PDHX: variants seen among roughly 807,000 people sequenced by gnomAD.
PDHX encodes the protein pyruvate dehydrogenase complex component X, also known as pyruvate dehydrogenase protein X component, mitochondrial.
PDHX carries 33 observed loss-of-function variants against 55.3 expected under a neutral mutation model. The ratio of observed to expected loss-of-function variants is 0.60; its 90% CI spans 0.45 to 0.80. The LOEUF is 0.80. Among genes scored for constraint, PDHX ranks in the 30% least tolerant of loss-of-function variants. The probability of loss-of-function intolerance (pLI) is 0.00; values close to 1 mark genes in which losing one functional copy is unlikely to be tolerated. For synonymous variants in PDHX, 226 were observed against 219.4 expected, an observed-to-expected ratio of 1.03 and a Z score of -0.27; for missense variants, 622 against 619.9, an observed-to-expected ratio of 1.00 and a Z score of -0.04.
At chr11:34,941,858 C>G (rs997178314) in intron 2 of PDHX, 1 of 154,574 alleles carries the variant, frequency 6.5e-6, no homozygotes, top group Non-Finnish European at 1.5e-5. Context: ...TGCTGGGGAG[C>G]GGCCCCCGGG....
intron 4 of PDHX, among the ~76,000 whole-genome samples, chr11:34,958,154 C>T (rs1328931811): frequency 6.6e-6 from 1 of 152,166 alleles, no homozygotes; most frequent in South Asian, 2.1e-4. Flanking sequence ...TCTAACATTT[C>T]ATTTATTTAG....
chr11:34,938,505 G>A (rs1168290980), intron 2 of PDHX, among the ~76,000 whole-genome samples: 1 of 152,106 alleles, frequency 6.6e-6, no homozygotes, highest in Non-Finnish European at 1.5e-5. Context: ...TGTGTTTTTA[G>A]GTTTCTTTTC....
At chr11:34,975,940 T>C (rs964138860) in intron 7 of PDHX, among the ~76,000 whole-genome samples, 1 of 152,140 alleles carries the variant, frequency 6.6e-6, no homozygotes, top group Non-Finnish European at 1.5e-5. Context: ...CTTTTAAAAG[T>C]TCAAGGAACT....
intron 7 of PDHX, among the ~76,000 whole-genome samples, chr11:34,975,220 T>C (rs990402661): frequency 4.6e-5 from 7 of 152,124 alleles, no homozygotes; most frequent in African/African-American, 1.7e-4. Context: ...ATTGTATGCC[T>C]AGATTTTTTT....
Position 34,960,408 on chromosome 11 carries a change from T to G in PDHX, c.543-12T>G, listed in dbSNP as rs1854998805. On this transcript the variant is annotated splice_polypyrimidine_tract_variant and intron_variant, in intron 4 of 10. Coordinates refer to ENST00000227868, the MANE Select transcript of PDHX (RefSeq NM_003477.3). The stretch of plus-strand genomic sequence containing the variant: ...TTAATTGGTTCTATTAACCTTCATA[T>G]TTTTTTCTTAGGTTCCGTTTAAGTC... 5.7e-6 allele frequency: 9 copies of G among 1,585,102 alleles called. No homozygotes were observed. Among genetic ancestry groups the G allele is most frequent in the Non-Finnish European group, 7.8e-6 (9 of 1,154,008 alleles).
At chr11:34,916,399 C>G, upstream of PDHX, 1 of 1,527,416 alleles carries the variant, frequency 6.5e-7, no homozygotes, top group African/African-American at 1.4e-5. Flanking sequence ...TGAGGGCAGC[C>G]CGGGGGCGGG....
intron 9 of PDHX, among the ~76,000 whole-genome samples, chr11:34,986,166 A>C (rs1169433917): frequency 6.6e-6 from 1 of 152,140 alleles, no homozygotes; most frequent in Non-Finnish European, 1.5e-5. Context: ...TTAGCTGGGC[A>C]TGGTGGCACA....
At position 34,960,501 on chromosome 11, in the gene PDHX, G is replaced by T. The variant is rs1416234490; in HGVS notation, c.624G>T (p.Arg208=). 2 of 1,602,130 alleles carry T rather than the reference G, an allele frequency of 1.2e-6. No individual in the cohort carries two copies. The highest frequency in any genetic ancestry group is 2.2e-5 in the East Asian group (1 of 44,740). Residue 208 remains arginine (R), a synonymous_variant, in exon 5 of 11, where the codon CGG becomes CGT. Transcript: ENST00000227868. ...DASQGTATGP[R]GIFTKEDALK... is the part of the protein sequence containing the mutation. Reference sequence around the variant, plus strand: ...GCCAGGGCACAGCCACTGGCCCTCGGGGGATATTCACTAAAGAGTATGTGT... The same window carrying T: ...GCCAGGGCACAGCCACTGGCCCTCGTGGGATATTCACTAAAGAGTATGTGT...
rs1343536340 is a variant in PDHX at position 34,995,038 on chromosome 11, A to G, written c.1372A>G (p.Asn458Asp). The change falls in exon 11 of 11, where the codon AAT becomes GAT. Residue 458 changes from asparagine (N) to aspartate (D), a missense_variant. Transcript: ENST00000227868. ...VLKLTEDEEG[N>D]AKLQQRQLIT... ...GAAGCTCACTGAGGATGAAGAGGGA[A>G]ATGCCAAACTGCAGCAGCGCCAGCT... is the stretch of plus-strand genomic sequence containing the variant. The G allele has an allele frequency of 6.2e-7, 1 of 1,613,974 alleles. No homozygotes were observed. Among genetic ancestry groups the G allele is most frequent in the Non-Finnish European group, 8.5e-7 (1 of 1,179,970 alleles).
intron 1 of PDHX, 92 bp from the exon 2 acceptor site, chr11:34,931,312 T>C: frequency 2.7e-6 from 2 of 749,344 alleles, no homozygotes; most frequent in Admixed American, 4.0e-5. Context: ...CTTTTTCAAA[T>C]TGAATTTGAC....
intron 7 of PDHX, among the ~76,000 whole-genome samples, chr11:34,972,459 G>A (rs1590760816): frequency 6.6e-6 from 1 of 150,948 alleles, no homozygotes; most frequent in South Asian, 2.1e-4. Context: ...GTGCAGTGGT[G>A]CGATCTCGGT....
intron 1 of PDHX, among the ~76,000 whole-genome samples, chr11:34,919,766 T>C (rs988447566): frequency 2.4e-4 from 37 of 152,224 alleles, no homozygotes; most frequent in Non-Finnish European, 4.8e-4. Flanking sequence ...ACTTACATTA[T>C]TGAAGAATGA....
chr11:34,939,795 A>C (rs945020721), intron 2 of PDHX, among the ~76,000 whole-genome samples: 1 of 152,196 alleles, frequency 6.6e-6, no homozygotes, highest in Non-Finnish European at 1.5e-5. Context: ...TATAATGACT[A>C]TTAGAGTACT....
intron 6 of PDHX, 40 bp from the exon 7 acceptor site, chr11:34,970,099 C>A: frequency 6.3e-7 from 1 of 1,586,126 alleles, no homozygotes. Context: ...TTTTTCTATT[C>A]CACTTGTGGT....
intron 9 of PDHX, among the ~76,000 whole-genome samples, chr11:34,990,820 G>T (rs895307566): frequency 6.6e-6 from 1 of 151,898 alleles, no homozygotes; most frequent in Admixed American, 6.6e-5. Context: ...TTAGATTTTT[G>T]ATATTTTTAA....
At chr11:34,992,243 A>C (rs1046969844) in intron 9 of PDHX, 72 bp from the exon 10 acceptor site, 1 of 859,598 alleles carries the variant, frequency 1.2e-6, no homozygotes, top group African/African-American at 1.6e-5. Flanking sequence ...TATGATGTAC[A>C]AATATTTCAA....
intron 2 of PDHX, among the ~76,000 whole-genome samples, chr11:34,939,530 CA>C (rs1854422653): frequency 6.6e-6 from 1 of 151,722 alleles, no homozygotes; most frequent in Admixed American, 6.6e-5. Context: ...CAGCGTTTTA[CA>C]CCAAGGAGGT....
At chr11:34,919,673 T>A (rs1383073595) in intron 1 of PDHX, among the ~76,000 whole-genome samples, 1 of 152,222 alleles carries the variant, frequency 6.6e-6, no homozygotes, top group Non-Finnish European at 1.5e-5. Context: ...TTTATATACA[T>A]ATATTAATTT....
intron 9 of PDHX, among the ~76,000 whole-genome samples, chr11:34,988,092 A>G (rs955870670): frequency 6.6e-6 from 1 of 152,178 alleles, no homozygotes; most frequent in Non-Finnish European, 1.5e-5. Flanking sequence ...TAAAATTTAG[A>G]ATGATTTTAA....
Sources: gnomAD v4.1 joint callset for allele counts (sites outside exome capture counted in the v4.1 genomes callset) on GRCh38, gnomAD v4.1.1 for gene constraint, MANE v1.5 for transcripts, NCBI Gene and HGNC (gene_info 2026-07-23, HGNC 2026-07-21) for gene names.